TRPM3: variants seen among roughly 807,000 people sequenced by gnomAD.
TRPM3 encodes transient receptor potential cation channel subfamily M member 3.
A neutral mutation model predicts 181.2 loss-of-function variants in TRPM3; 77 were observed. The ratio of observed to expected loss-of-function variants is 0.42; its 90% CI spans 0.35 to 0.51. The LOEUF is 0.51. Among genes scored for constraint, TRPM3 ranks in the 20% least tolerant of loss-of-function variants. The pLI is 0.01. For synonymous variants in TRPM3, 745 were observed against 796.4 expected, an observed-to-expected ratio of 0.94 and a Z score of 1.09; for missense variants, 1,759 against 2,196.7, an observed-to-expected ratio of 0.80 and a Z score of 3.98.
At chr9:71,283,287 ATTTCTTTCTTTCTT>A (rs1411681324) in intron 1 of TRPM3, among the ~76,000 whole-genome samples, 2 of 151,784 alleles carry the variant, frequency 1.3e-5, no homozygotes, top group African/African-American at 2.4e-5. Context: ...ATGTGTCAGC[ATTTCTTTCTTTCTT>A]TTTCTTTCTT....
At chr9:71,273,330 T>C (rs1321333332) in intron 1 of TRPM3, among the ~76,000 whole-genome samples, 1 of 152,160 alleles carries the variant, frequency 6.6e-6, no homozygotes, top group Non-Finnish European at 1.5e-5. Flanking sequence ...AAAGCCATAA[T>C]TACTGCAAAT....
chr9:71,226,681 C>T (rs1006386429), intron 1 of TRPM3, among the ~76,000 whole-genome samples: 2 of 151,834 alleles, frequency 1.3e-5, no homozygotes, highest in Non-Finnish European at 2.9e-5. Flanking sequence ...TATACACACA[C>T]ATGTATATAC....
chr9:70,606,663 A>ATATG (rs2132898865), intron 19 of TRPM3, among the ~76,000 whole-genome samples: 1 of 151,522 alleles, frequency 6.6e-6, no homozygotes, highest in Admixed American at 6.6e-5. Context: ...ATATATATAT[A>ATATG]TATATGTATA....
At chr9:71,127,067 A>C (rs201725877) in intron 1 of TRPM3, among the ~76,000 whole-genome samples, 1 of 97,650 alleles carries the variant, frequency 1.0e-5, no homozygotes, top group East Asian at 2.8e-4. Flanking sequence ...TTTTTAGGAA[A>C]AAACAAAAAC....
At chr9:71,368,133 T>TA (rs1033307281) in intron 1 of TRPM3, among the ~76,000 whole-genome samples, 21 of 151,804 alleles carry the variant, frequency 1.4e-4, no homozygotes, top group African/African-American at 4.8e-4. Flanking sequence ...ATTTTTTTTT[T>TA]AGATGTGCCA....
chr9:70,923,959 C>T lies in TRPM3; in HGVS notation c.178-59448G>A, dbSNP rs533121343. ...ATACATATATATATACACACACACA[C>T]ATATATATATACACACAATCTATCT... On this transcript the variant is annotated intron_variant, in intron 1 of 25. Coordinates refer to ENST00000677713, the MANE Select transcript of TRPM3 (RefSeq NM_001366145.2). Among the ~76,000 whole-genome samples the T allele has an allele frequency of 4.1e-3, 614 of 150,710 alleles. 7 individuals are homozygous for T. Among genetic ancestry groups the T allele is most frequent in the African/African-American group, 0.014 (588 of 40,930 alleles).
At chr9:71,188,505 GTATT>G (rs550199511) in intron 1 of TRPM3, among the ~76,000 whole-genome samples, 71 of 151,814 alleles carry the variant, frequency 4.7e-4, no homozygotes, top group African/African-American at 1.6e-3. Context: ...CTACCACATG[GTATT>G]TATTATTATA....
chr9:70,756,317 T>C (rs1226807524), intron 8 of TRPM3, among the ~76,000 whole-genome samples: 1 of 151,812 alleles, frequency 6.6e-6, no homozygotes, highest in Non-Finnish European at 1.5e-5. Flanking sequence ...ATGCACCCAA[T>C]ACAGGAGCAC....
chr9:71,290,454 C>A (rs986710683), intron 1 of TRPM3, among the ~76,000 whole-genome samples: 10 of 151,846 alleles, frequency 6.6e-5, no homozygotes, highest in Admixed American at 4.6e-4. Context: ...AGAAATAGTT[C>A]CAATAATTGA....
At chr9:71,306,505 A>G (rs576559149) in intron 1 of TRPM3, among the ~76,000 whole-genome samples, 4 of 152,316 alleles carry the variant, frequency 2.6e-5, no homozygotes, top group African/African-American at 9.6e-5. Flanking sequence ...ATATTAAAAA[A>G]TCCAAAAAGT....
chr9:71,010,356 T>C (rs2097722839), intron 1 of TRPM3, among the ~76,000 whole-genome samples: 1 of 152,010 alleles, frequency 6.6e-6, no homozygotes, highest in Admixed American at 6.6e-5. Flanking sequence ...ATATCCAGAA[T>C]ATATAAGAAA....
intron 1 of TRPM3, among the ~76,000 whole-genome samples, chr9:70,976,932 G>A (rs543908603): frequency 3.4e-4 from 52 of 152,234 alleles, no homozygotes; most frequent in Non-Finnish European, 5.9e-4. Context: ...TGACCCCTTC[G>A]AGTCTCCATT....
chr9:70,771,009 TG>T (rs1421100974), intron 7 of TRPM3, among the ~76,000 whole-genome samples: 2 of 152,260 alleles, frequency 1.3e-5, no homozygotes, highest in Non-Finnish European at 2.9e-5. Flanking sequence ...GCCACTTAGC[TG>T]GGGTATCAGT....
intron 1 of TRPM3, among the ~76,000 whole-genome samples, chr9:71,281,090 T>C (rs1241784397): frequency 1.3e-5 from 2 of 152,178 alleles, no homozygotes; most frequent in Admixed American, 6.5e-5. Flanking sequence ...AATAAATATT[T>C]GCTGAAATGG....
chr9:71,192,619 T>A (rs1254207600), intron 1 of TRPM3, among the ~76,000 whole-genome samples: 3 of 151,900 alleles, frequency 2.0e-5, no homozygotes, highest in Admixed American at 1.3e-4. Context: ...TTTATTTTGC[T>A]ATTTAGTGTG....
At chr9:71,346,676 T>C (rs920136686) in intron 1 of TRPM3, among the ~76,000 whole-genome samples, 10 of 152,152 alleles carry the variant, frequency 6.6e-5, no homozygotes, top group Non-Finnish European at 1.2e-4. Flanking sequence ...TCAGATAAAG[T>C]AATGAGAGAA....
chr9:70,694,461 G>A (rs1432942549), intron 8 of TRPM3, among the ~76,000 whole-genome samples: 4 of 152,022 alleles, frequency 2.6e-5, no homozygotes, highest in Non-Finnish European at 5.9e-5. Flanking sequence ...AGAGACGTTG[G>A]TTTTCATGGA....
Position 70,926,290 on chromosome 9 carries a change from A to G in TRPM3, c.178-61779T>C, listed in dbSNP as rs185063590. ...CCCCCAAACCAAAGTTGGAATAAGCAATATTTTTAAAATATTTCAGGTCCA... is the reference window on the plus strand; with the variant it reads ...CCCCCAAACCAAAGTTGGAATAAGCGATATTTTTAAAATATTTCAGGTCCA... On this transcript the variant is annotated intron_variant, in intron 1 of 25. Coordinates refer to ENST00000677713, the MANE Select transcript of TRPM3 (RefSeq NM_001366145.2). Among the ~76,000 whole-genome samples, 573 of 152,276 alleles carry G rather than the reference A, an allele frequency of 3.8e-3. 5 individuals carry two copies. The highest frequency in any genetic ancestry group is 0.012 in the African/African-American group (511 of 41,558).
In TRPM3 at chr9:71,215,418, C is replaced by G. The variant is rs532802677; in HGVS notation, c.183+231235G>C. Reference sequence around the variant, plus strand: ...CAAAGTTAAGTTAGACTTGGGGGCTCTGCTTTGCAATTCATTGCTGATCAG... The same window carrying G: ...CAAAGTTAAGTTAGACTTGGGGGCTGTGCTTTGCAATTCATTGCTGATCAG... On this transcript the variant is annotated intron_variant, in intron 1 of 24. Transcript: ENST00000357533. Among the ~76,000 whole-genome samples, 43 of 152,276 alleles carry G rather than the reference C, an allele frequency of 2.8e-4. 1 individual carries two copies. The Middle Eastern group carries it at 0.01, about 36-fold the overall frequency.
Sources: allele counts gnomAD v4.1 joint callset (sites outside exome capture counted in the v4.1 genomes callset), GRCh38; gene constraint gnomAD v4.1.1; transcripts MANE v1.5; gene names NCBI Gene and HGNC (gene_info 2026-07-23, HGNC 2026-07-21).